The following UTS2B variants were observed in gnomAD, a reference collection of about 807,000 sequenced individuals.
UTS2B encodes urotensin 2B, also known as urotensin-2B.
UTS2B carries 21 observed loss-of-function variants against 19.2 expected under a neutral mutation model. That is an observed-to-expected ratio of 1.09 (90% CI 0.78 to 1.58). The LOEUF (loss-of-function observed/expected upper bound fraction) is 1.58. UTS2B is among the 40% of genes most tolerant of loss of function. The probability of loss-of-function intolerance (pLI) is 0.00; values close to 1 mark genes in which losing one functional copy is unlikely to be tolerated. For missense variants in UTS2B, 138 were observed against 130.3 expected, an observed-to-expected ratio of 1.06 and a Z score of -0.29; for synonymous variants, 57 against 50.2, an observed-to-expected ratio of 1.14 and a Z score of -0.58.
chr3:191,295,650 A>G (rs144888097), intron 4 of UTS2B, among the ~76,000 whole-genome samples: 2 of 152,058 alleles, frequency 1.3e-5, no homozygotes, highest in African/African-American at 2.4e-5. Context: ...GTTTTCTTAC[A>G]AGGCTTCTCA....
At chr3:191,300,194 C>T (rs973505060) in intron 4 of UTS2B, among the ~76,000 whole-genome samples, 4 of 151,966 alleles carry the variant, frequency 2.6e-5, no homozygotes, top group East Asian at 3.9e-4. Context: ...GGATTACAGG[C>T]GCCCACCACC....
At chr3:191,315,236 C>T (rs1717416885) in intron 3 of UTS2B, among the ~76,000 whole-genome samples, 1 of 152,162 alleles carries the variant, frequency 6.6e-6, no homozygotes, top group South Asian at 2.1e-4. Flanking sequence ...TGGTCTCGAA[C>T]TCCTGACCTC....
chr3:191,296,064 C>T (rs557305161), intron 4 of UTS2B, among the ~76,000 whole-genome samples: 32 of 152,252 alleles, frequency 2.1e-4, no homozygotes, highest in African/African-American at 7.7e-4. Flanking sequence ...ATAAATATTG[C>T]GAGTCATAAC....
intron 4 of UTS2B, among the ~76,000 whole-genome samples, chr3:191,291,837 A>G (rs1716728614): frequency 6.6e-6 from 1 of 152,068 alleles, no homozygotes; most frequent in Non-Finnish European, 1.5e-5. Context: ...GTGGATATCT[A>G]GTTGTCTCAC....
rs574411126 is a variant in UTS2B, at chr3:191,323,610, T to C, written c.-586+5021A>G. 2.6e-5 allele frequency among the ~76,000 whole-genome samples: 4 copies of C among 152,326 alleles called. No homozygotes were observed. In the South Asian group the frequency reaches 8.3e-4, roughly 32 times the overall value. On this transcript the variant is annotated intron_variant, in intron 2 of 8. Transcript: ENST00000340524. ...TGATCAGGGCAATATGTAGAGTTTA[T>C]AGTAGATTAGCCATGTCTTGGCATC...
intron 4 of UTS2B, among the ~76,000 whole-genome samples, chr3:191,293,618 A>G (rs992641303): frequency 6.6e-6 from 1 of 151,978 alleles, no homozygotes; most frequent in Non-Finnish European, 1.5e-5. Flanking sequence ...TAAATCTGTA[A>G]ATATTCTGTC....
intron 6 of UTS2B, 71 bp from the exon 7 acceptor site, chr3:191,276,915 T>C: frequency 1.5e-6 from 2 of 1,371,742 alleles, no homozygotes; most frequent in East Asian, 4.7e-5. Flanking sequence ...AGTACACACA[T>C]TTAAGATCTT....
intron 4 of UTS2B, among the ~76,000 whole-genome samples, chr3:191,296,529 C>T (rs1716862733): frequency 6.6e-6 from 1 of 152,186 alleles, no homozygotes. Context: ...TGACTGTGAA[C>T]ATACGGTTAC....
Position 191,268,559 on chromosome 3 carries a change from A to C in UTS2B, c.335-118T>G, listed in dbSNP as rs1471435165. ...GTTAAGTTTTTAAAAGGGACAGTCA[A>C]TATTGTAGCTACTAGCCTCATGTGG... On this transcript the variant is annotated intron_variant, in intron 8 of 8. Transcript: ENST00000340524. 13 of 649,638 alleles carry C rather than the reference A, an allele frequency of 2.0e-5. No homozygotes were observed. The Admixed American group carries it at 2.7e-4, about 14-fold the overall frequency. The allele number at this position is 649,638 out of a possible 1,614,324, so 40.2% of individuals were successfully genotyped here.
intron 5 of UTS2B, among the ~76,000 whole-genome samples, chr3:191,281,098 A>G (rs1716373037): frequency 6.6e-6 from 1 of 152,196 alleles, no homozygotes; most frequent in African/African-American, 2.4e-5. Flanking sequence ...GGTCTGGTAA[A>G]ATGGAATTAG....
In UTS2B at chr3:191,301,781, G is replaced by A. The variant is rs546954245; in HGVS notation, c.-125+2711C>T. The stretch of plus-strand genomic sequence containing the variant: ...TGGGATTACAGGCGTGAGCCACCAC[G>A]CCCGGCCAATTTTTGGTAATATTAA... On this transcript the variant is annotated intron_variant, in intron 4 of 8. Transcript: ENST00000340524. 4.6e-5 allele frequency among the ~76,000 whole-genome samples: 7 copies of A among 152,234 alleles called. No homozygotes were observed. In the East Asian group the frequency reaches 7.7e-4, roughly 17 times the overall value.
Position 191,278,160 on chromosome 3 carries a change from T to C in UTS2B, c.114A>G (p.Ile38Met). 2 of 1,524,276 alleles carry C rather than the reference T, an allele frequency of 1.3e-6. No individual in the cohort carries two copies. Among genetic ancestry groups the C allele is most frequent in the Non-Finnish European group, 1.8e-6 (2 of 1,130,192 alleles). 94.4% of individuals were successfully genotyped at this position (1,524,276 alleles called of 1,614,324 possible). Residue 38 changes from isoleucine (I) to methionine (M), a missense_variant, in exon 6 of 9, where the codon ATA becomes ATG. By Grantham distance (10) the Ile-to-Met change is conservative. Coordinates refer to ENST00000340524, the MANE Select transcript of UTS2B (RefSeq NM_198152.5). ...GATTTGTATATTTTTTATCTGGAAA[T>C]ATTTCATTTCCTATAATGATCAAAA... ...GRPYLTQGNE[I>M]FPDKKYTNRE...
chr3:191,314,636 G>C (rs900939682), intron 3 of UTS2B, among the ~76,000 whole-genome samples: 1 of 152,144 alleles, frequency 6.6e-6, no homozygotes, highest in Non-Finnish European at 1.5e-5. Context: ...CAAGTGCAAG[G>C]GTGGGGCTGG....
chr3:191,300,691 G>C (rs760657399), intron 4 of UTS2B, among the ~76,000 whole-genome samples: 1 of 152,240 alleles, frequency 6.6e-6, no homozygotes, highest in East Asian at 1.9e-4. Context: ...GTGGGGCCTG[G>C]TGGGAGGTGA....
intron 8 of UTS2B, among the ~76,000 whole-genome samples, chr3:191,271,780 A>G (rs995542954): frequency 1.3e-5 from 2 of 152,208 alleles, no homozygotes; most frequent in Non-Finnish European, 2.9e-5. Flanking sequence ...TGCCAAATGT[A>G]TATCTCTAAT....
chr3:191,298,235 A>T (rs1342457079), intron 4 of UTS2B, among the ~76,000 whole-genome samples: 1 of 152,092 alleles, frequency 6.6e-6, no homozygotes, highest in Non-Finnish European at 1.5e-5. Flanking sequence ...TGAATTCCAA[A>T]AAAAACAGTC....
At chr3:191,303,711 C>T (rs747985129) in intron 4 of UTS2B, among the ~76,000 whole-genome samples, 5 of 152,210 alleles carry the variant, frequency 3.3e-5, no homozygotes, top group Admixed American at 6.5e-5. Context: ...AATATTATGA[C>T]ATTGGATGAG....
the UTS2B span, among the ~76,000 whole-genome samples, chr3:191,345,555 A>G: frequency 1.2e-4 from 18 of 152,130 alleles, no homozygotes; most frequent in Non-Finnish European, 2.2e-4. Flanking sequence ...GTCGCTGATA[A>G]TGATGTAGAT....
At position 191,277,878 on chromosome 3, in the gene UTS2B, G is replaced by T. The variant is rs183833355; in HGVS notation, c.202+194C>A. Reference sequence around the variant, plus strand: ...AGGACCCTCAAATTGACCAAAATAGGCTATTAATATTTGTTAATAACTCCA... The same window carrying T: ...AGGACCCTCAAATTGACCAAAATAGTCTATTAATATTTGTTAATAACTCCA... On this transcript the variant is annotated intron_variant, in intron 6 of 8. Coordinates refer to ENST00000340524, the MANE Select transcript of UTS2B (RefSeq NM_198152.5). Among the ~76,000 whole-genome samples, 13 of 151,038 alleles carry T rather than the reference G, an allele frequency of 8.6e-5. No individual in the cohort carries two copies. The South Asian group carries it at 1.5e-3, about 17-fold the overall frequency.
Sources: allele counts gnomAD v4.1 joint callset (sites outside exome capture counted in the v4.1 genomes callset), GRCh38; gene constraint gnomAD v4.1.1; transcripts MANE v1.5; gene names NCBI Gene and HGNC (gene_info 2026-07-23, HGNC 2026-07-21).